LRRC28: variants seen among roughly 807,000 people sequenced by gnomAD.
The protein encoded by LRRC28 is leucine rich repeat containing 28.
In LRRC28, 39 loss-of-function variants were observed where a neutral mutation model predicts 45.7. The observed-to-expected ratio is 0.85, with a 90% CI of 0.66 to 1.12. The LOEUF is 1.12. Ranked by LOEUF, LRRC28 falls within the 50% of genes most tolerant of loss-of-function variation. LRRC28 has a pLI of 0.00. For missense variants in LRRC28, 435 were observed against 438.5 expected (o/e 0.99, Z 0.07); for synonymous variants, 206 against 178.8 (o/e 1.15, Z -1.22).
At chr15:99,339,247 A>G (rs368279392) in intron 6 of LRRC28, among the ~76,000 whole-genome samples, 13 of 152,184 alleles carry the variant, frequency 8.5e-5, no homozygotes, top group East Asian at 5.8e-4. Context: ...AACTTATTCA[A>G]TGTTGAATAA....
chr15:99,252,414 G>C (rs1311664945), intron 1 of LRRC28, among the ~76,000 whole-genome samples: 1 of 152,196 alleles, frequency 6.6e-6, no homozygotes, highest in Non-Finnish European at 1.5e-5. Flanking sequence ...GTGTTTTTGA[G>C]GCAGCCAATC....
chr15:99,355,131 A>G (rs1382078666), intron 7 of LRRC28, among the ~76,000 whole-genome samples: 3 of 152,250 alleles, frequency 2.0e-5, no homozygotes, highest in Admixed American at 6.5e-5. Flanking sequence ...ATTCTTTTGT[A>G]TTCATGGAAA....
chr15:99,313,635 A>T (rs1311694079), intron 5 of LRRC28, among the ~76,000 whole-genome samples: 1 of 152,168 alleles, frequency 6.6e-6, no homozygotes, highest in East Asian at 1.9e-4. Context: ...AATATTTCTT[A>T]TAGGGCAGGT....
rs1237807686 is a variant in LRRC28, at chr15:99,387,907, C to T, written c.*1805C>T. 2.0e-5 allele frequency: 3 copies of T among 152,152 alleles called. No homozygotes were observed. The highest frequency in any genetic ancestry group is 2.0e-4 in the Admixed American group (3 of 15,268). The allele number at this position is 152,152 out of a possible 1,614,324, so 9.4% of individuals were successfully genotyped here. A position where few individuals can be genotyped will look rare whatever the true frequency, so the allele number is the denominator to read the frequency against. ...GACAAATGTGTGATCTTTTTACAGTCACAACACCTGCTGCCCGGAAAGCAC... is the reference window on the plus strand; with the variant it reads ...GACAAATGTGTGATCTTTTTACAGTTACAACACCTGCTGCCCGGAAAGCAC... On this transcript the variant is annotated 3_prime_UTR_variant, in exon 10 of 10. Transcript: ENST00000301981.
In LRRC28 at chr15:99,312,104, C is replaced by T. The variant is rs139772851; in HGVS notation, c.386-21819C>T. Among the ~76,000 whole-genome samples the T allele has an allele frequency of 6.6e-3, 1,003 of 152,230 alleles. 11 individuals carry two copies. Among genetic ancestry groups the T allele is most frequent in the African/African-American group, 0.022 (935 of 41,556 alleles). ...CAATACACAAATATTTCTACAGTCA[C>T]GCACTGCTTAATGGGAATACATTCT... On this transcript the variant is annotated intron_variant, in intron 5 of 9. Transcript: ENST00000301981.
intron 9 of LRRC28, among the ~76,000 whole-genome samples, chr15:99,380,703 T>C (rs1480099447): frequency 6.6e-6 from 1 of 152,238 alleles, no homozygotes; most frequent in Non-Finnish European, 1.5e-5. Flanking sequence ...AGTGCTTCCT[T>C]CAGGAGCTCT....
rs1395877479 is a variant in LRRC28, at chr15:99,387,156, GT to G, written c.*1056del. ...GCTCACTGCAAGCTCCGCCTCCCGG[GT>G]TCACGCCATTCTCCTGCCTCAGCCT... On this transcript the variant is annotated 3_prime_UTR_variant, in exon 10 of 10. Coordinates refer to ENST00000301981, the MANE Select transcript of LRRC28 (RefSeq NM_144598.5). The G allele has an allele frequency of 6.7e-6, 1 of 149,610 alleles. No individual in the cohort carries two copies. Among genetic ancestry groups the G allele is most frequent in the African/African-American group, 2.5e-5 (1 of 40,646 alleles). 9.3% of individuals were successfully genotyped at this position (149,610 alleles called of 1,614,324 possible).
chr15:99,319,822 T>A (rs1955733159), intron 5 of LRRC28, among the ~76,000 whole-genome samples: 1 of 151,944 alleles, frequency 6.6e-6, no homozygotes, highest in African/African-American at 2.4e-5. Context: ...TTTTATTTAT[T>A]TTTTATTTTA....
At chr15:99,362,124 C>T (rs1220932062) in intron 8 of LRRC28, among the ~76,000 whole-genome samples, 3 of 152,092 alleles carry the variant, frequency 2.0e-5, no homozygotes, top group Non-Finnish European at 2.9e-5. Flanking sequence ...TTTAAGACAG[C>T]GCTAGGCAAT....
intron 2 of LRRC28, among the ~76,000 whole-genome samples, chr15:99,269,375 A>G (rs149487807): frequency 1.4e-3 from 220 of 152,242 alleles, no homozygotes; most frequent in Non-Finnish European, 2.4e-3. Context: ...ATATGAAGGT[A>G]TGAATTCTGC....
chr15:99,252,198 T>G (rs1487938380), intron 1 of LRRC28, among the ~76,000 whole-genome samples: 3 of 152,186 alleles, frequency 2.0e-5, no homozygotes, highest in Non-Finnish European at 4.4e-5. Context: ...ATACAAGAGG[T>G]AGTTTGCTTA....
chr15:99,329,797 A>G (rs1428183822), intron 5 of LRRC28, among the ~76,000 whole-genome samples: 1 of 152,280 alleles, frequency 6.6e-6, no homozygotes, highest in Admixed American at 6.5e-5. Flanking sequence ...ATGGTATTTC[A>G]TGCAGCTGAC....
chr15:99,319,847 A>C (rs1251534487), intron 5 of LRRC28, among the ~76,000 whole-genome samples: 1 of 152,062 alleles, frequency 6.6e-6, no homozygotes, highest in East Asian at 1.9e-4. Flanking sequence ...AGACAGAACC[A>C]GGCTGGAGTG....
chr15:99,334,542 T>G (rs1259805544), intron 6 of LRRC28, among the ~76,000 whole-genome samples: 2 of 152,082 alleles, frequency 1.3e-5, no homozygotes, highest in Non-Finnish European at 2.9e-5. Context: ...ATCCTAATAA[T>G]TAATATTGCC....
rs534057701 is a variant in LRRC28, at chr15:99,280,924, T to A, written c.209+4308T>A. On this transcript the variant is annotated intron_variant, in intron 3 of 9. Coordinates refer to ENST00000301981, the MANE Select transcript of LRRC28 (RefSeq NM_144598.5). ...ACTTTTATTCCCTATGTGCTTCAGT[T>A]TGGACAAATTGTATGTTCTGTGTTA... Among the ~76,000 whole-genome samples, 6 of 152,296 alleles carry A rather than the reference T, an allele frequency of 3.9e-5. No homozygotes were observed. In the Middle Eastern group the frequency reaches 0.02, roughly 518 times the overall value.
intron 6 of LRRC28, among the ~76,000 whole-genome samples, chr15:99,343,946 C>T (rs764026764): frequency 2.6e-5 from 4 of 152,100 alleles, no homozygotes; most frequent in African/African-American, 4.8e-5. Context: ...CAGGTTCACG[C>T]TCTCAAGAGG....
rs113397131 is a variant in LRRC28, at chr15:99,368,425, A to C, written c.1031+5160A>C. 5.9e-5 allele frequency among the ~76,000 whole-genome samples: 9 copies of C among 152,334 alleles called. 1 individual carries two copies. Among genetic ancestry groups the C allele is most frequent in the African/African-American group, 2.2e-4 (9 of 41,586 alleles). On this transcript the variant is annotated intron_variant, in intron 9 of 9. Transcript: ENST00000301981. Reference sequence around the variant, plus strand: ...AAAATCTAGAAGGTGAAATTCCATTAGATTTTAAGGCTTAAGAATAATCCT... The same window carrying C: ...AAAATCTAGAAGGTGAAATTCCATTCGATTTTAAGGCTTAAGAATAATCCT...
chr15:99,272,869 A>G (rs1868455117), intron 2 of LRRC28, among the ~76,000 whole-genome samples: 1 of 152,180 alleles, frequency 6.6e-6, no homozygotes, highest in African/African-American at 2.4e-5. Context: ...CTTTAAGACT[A>G]TTGCTTTTAT....
intron 1 of LRRC28, among the ~76,000 whole-genome samples, chr15:99,253,410 T>C (rs950961632): frequency 1.3e-5 from 2 of 152,146 alleles, no homozygotes; most frequent in African/African-American, 4.8e-5. Flanking sequence ...CGTGAGCCAC[T>C]GCGCCCGGTC....
Sources: gnomAD v4.1 joint callset for allele counts (sites outside exome capture counted in the v4.1 genomes callset) on GRCh38, gnomAD v4.1.1 for gene constraint, MANE v1.5 for transcripts, NCBI Gene and HGNC (gene_info 2026-07-23, HGNC 2026-07-21) for gene names.